The following SBF2 variants were observed in gnomAD, a reference collection of about 807,000 sequenced individuals.
SBF2 encodes the protein SET binding factor 2.
In SBF2, 112 loss-of-function variants were observed where a neutral mutation model predicts 225.2. The observed-to-expected ratio is 0.50, with a 90% CI of 0.43 to 0.58. The LOEUF (loss-of-function observed/expected upper bound fraction) is 0.58. Among genes scored for constraint, SBF2 ranks in the 20% least tolerant of loss-of-function variants. The pLI is 0.00. For missense variants in SBF2, 1,996 were observed against 2,206.2 expected (o/e 0.90, Z 1.91); for synonymous variants, 763 against 773.3 (o/e 0.99, Z 0.22).
At chr11:10,275,573 T>A (rs1285245063) in intron 1 of SBF2, among the ~76,000 whole-genome samples, 2 of 151,794 alleles carry the variant, frequency 1.3e-5, no homozygotes, top group African/African-American at 4.8e-5. Context: ...TTTACTTACA[T>A]GACTTTTCAT....
At chr11:9,875,662 C>CATAT (rs1471403217) in intron 17 of SBF2, among the ~76,000 whole-genome samples, 1 of 152,162 alleles carries the variant, frequency 6.6e-6, no homozygotes, top group African/African-American at 2.4e-5. Context: ...CAGGGTCAGC[C>CATAT]ATATATCTTC....
intron 17 of SBF2, among the ~76,000 whole-genome samples, chr11:9,866,687 G>C (rs1312307631): frequency 6.6e-6 from 1 of 152,158 alleles, no homozygotes; most frequent in African/African-American, 2.4e-5. Context: ...TCTTGGGCAA[G>C]ACCTCAAAAA....
rs1297159068 is a variant in SBF2, at chr11:9,962,106, T to C, written c.1711A>G (p.Thr571Ala). ...AGGGCTCTGAGTGCAGCAGGAAGGG[T>C]CTGAGGACAAGAGAGGTACAAATGA... ...FENKILETEKTLPAALRALKG... is the reference protein window; with the variant it reads ...FENKILETEKALPAALRALKG... Residue 571 changes from threonine (T) to alanine (A), a missense_variant and splice_region_variant, in exon 16 of 40, where the codon ACC (threonine) becomes GCC (alanine). Physicochemically the swap from Thr to Ala is moderately conservative, Grantham distance 58. Transcript: ENST00000256190. 1 of 1,613,918 alleles carries C rather than the reference T, an allele frequency of 6.2e-7. No individual in the cohort carries two copies.
At chr11:9,923,806 AC>A (rs1405655703) in intron 16 of SBF2, among the ~76,000 whole-genome samples, 2 of 152,212 alleles carry the variant, frequency 1.3e-5, no homozygotes, top group Non-Finnish European at 2.9e-5. Flanking sequence ...CCAAATGGCC[AC>A]CTAAACTTCA....
At chr11:10,148,772 C>T (rs936492513) in intron 2 of SBF2, among the ~76,000 whole-genome samples, 1 of 152,032 alleles carries the variant, frequency 6.6e-6, no homozygotes, top group East Asian at 1.9e-4. Context: ...GGAAAATATT[C>T]AGTGGTTGCT....
chr11:9,926,302 T>G (rs574973839), intron 16 of SBF2, among the ~76,000 whole-genome samples: 1 of 152,254 alleles, frequency 6.6e-6, no homozygotes, highest in East Asian at 1.9e-4. Flanking sequence ...AAAATTGAAG[T>G]TTAGCCTTAA....
At chr11:9,824,371 A>G (rs2133923530) in intron 28 of SBF2, among the ~76,000 whole-genome samples, 1 of 152,244 alleles carries the variant, frequency 6.6e-6, no homozygotes, top group East Asian at 1.9e-4. Context: ...ATCCTGGCCA[A>G]CGTGGTGAAA....
At chr11:10,063,906 G>A (rs1278074262) in intron 2 of SBF2, among the ~76,000 whole-genome samples, 1 of 147,990 alleles carries the variant, frequency 6.8e-6, no homozygotes, top group African/African-American at 2.5e-5. Flanking sequence ...TCAGTGAGCT[G>A]TAAGAGAACT....
intron 28 of SBF2, among the ~76,000 whole-genome samples, chr11:9,818,602 TTTCTAGGTGACCAGAAG>T (rs1479873042): frequency 6.6e-6 from 1 of 152,220 alleles, no homozygotes; most frequent in African/African-American, 2.4e-5. Flanking sequence ...TAAAGTCATG[TTTCTAGGTGACCAGAAG>T]TCACCATGAT....
At chr11:10,230,410 G>A (rs1591268211) in intron 1 of SBF2, among the ~76,000 whole-genome samples, 1 of 152,158 alleles carries the variant, frequency 6.6e-6, no homozygotes, top group East Asian at 1.9e-4. Context: ...TAGCCTTGAT[G>A]GTCTTTACAA....
chr11:9,940,287 C>A (rs574236440), intron 16 of SBF2, among the ~76,000 whole-genome samples: 21 of 152,214 alleles, frequency 1.4e-4, no homozygotes, highest in African/African-American at 4.8e-4. Context: ...CACCTGTAGT[C>A]CCAGCTACTT....
At chr11:9,796,686 C>G (rs1853146944) in intron 32 of SBF2, among the ~76,000 whole-genome samples, 1 of 152,138 alleles carries the variant, frequency 6.6e-6, no homozygotes, top group Non-Finnish European at 1.5e-5. Context: ...ATTTAGGGAA[C>G]AGCTTTGGAA....
At chr11:9,822,658 A>G (rs1200604584) in intron 28 of SBF2, among the ~76,000 whole-genome samples, 1 of 152,190 alleles carries the variant, frequency 6.6e-6, no homozygotes, top group Non-Finnish European at 1.5e-5. Context: ...GATATGACAC[A>G]GTTCATTTTC....
intron 17 of SBF2, among the ~76,000 whole-genome samples, chr11:9,876,868 A>G (rs952276063): frequency 6.6e-6 from 1 of 152,002 alleles, no homozygotes; most frequent in Admixed American, 6.6e-5. Flanking sequence ...CCTCCTGAGT[A>G]GCTGGGATTA....
intron 1 of SBF2, among the ~76,000 whole-genome samples, chr11:10,220,236 A>G (rs1958292780): frequency 6.6e-6 from 1 of 152,122 alleles, no homozygotes; most frequent in African/African-American, 2.4e-5. Context: ...AAACCATCAG[A>G]TCTCATAAGA....
At chr11:10,243,727 T>A (rs1016420878) in intron 1 of SBF2, among the ~76,000 whole-genome samples, 13 of 152,048 alleles carry the variant, frequency 8.5e-5, no homozygotes, top group African/African-American at 2.9e-4. Context: ...TAGAAATGTA[T>A]AATCTACCAA....
At chr11:9,886,542 T>TA (rs1338350043) in intron 17 of SBF2, among the ~76,000 whole-genome samples, 2 of 4,526 alleles carry the variant, frequency 4.4e-4, no homozygotes, top group African/African-American at 2.7e-3. Context: ...CCTGTAGTTC[T>TA]TTGGTTTTAG....
chr11:9,829,625 C>T, intron 27 of SBF2, 129 bp from the exon 28 acceptor site: 2 of 805,520 alleles, frequency 2.5e-6, no homozygotes, highest in Non-Finnish European at 4.1e-6. Flanking sequence ...GTTACCACAC[C>T]CAAATATAGA....
At chr11:9,931,754 T>TG (rs1864514512) in intron 16 of SBF2, among the ~76,000 whole-genome samples, 1 of 152,118 alleles carries the variant, frequency 6.6e-6, no homozygotes, top group African/African-American at 2.4e-5. Context: ...TCCCCAGCAA[T>TG]GGAACAAAGC....
Sources: gnomAD v4.1 joint callset for allele counts (sites outside exome capture counted in the v4.1 genomes callset) on GRCh38, gnomAD v4.1.1 for gene constraint, MANE v1.5 for transcripts, NCBI Gene and HGNC (gene_info 2026-07-23, HGNC 2026-07-21) for gene names.